TCEA1: variants seen among roughly 807,000 people sequenced by gnomAD.
The protein encoded by TCEA1 is transcription elongation factor A1.
In TCEA1, 21 loss-of-function variants were observed where a neutral mutation model predicts 43.8. The observed-to-expected ratio is 0.48, with a 90% CI of 0.34 to 0.69. TCEA1 has a LOEUF of 0.69. TCEA1 is among the 30% of genes least tolerant of loss of function. The probability of loss-of-function intolerance (pLI) is 0.01; values close to 1 mark genes in which losing one functional copy is unlikely to be tolerated. For missense variants in TCEA1, 250 were observed against 365.1 expected, an observed-to-expected ratio of 0.68 and a Z score of 2.57; for synonymous variants, 104 against 117.5, an observed-to-expected ratio of 0.88 and a Z score of 0.75.
chr8:53,972,889 A>T, intron 8 of TCEA1: 1 of 694,222 alleles, frequency 1.4e-6, no homozygotes, highest in South Asian at 1.4e-5. Flanking sequence ...ACTACTTTTG[A>T]TGATGAGCCG....
At chr8:53,995,536 A>T (rs1444725526) in intron 3 of TCEA1, among the ~76,000 whole-genome samples, 1 of 152,206 alleles carries the variant, frequency 6.6e-6, no homozygotes, top group East Asian at 1.9e-4. Context: ...TACAAAGTAT[A>T]CCAGTTAAGT....
intron 1 of TCEA1, 83 bp from the exon 2 acceptor site, chr8:54,010,575 C>A (rs1349760969): frequency 5.6e-6 from 6 of 1,074,318 alleles, no homozygotes; most frequent in Non-Finnish European, 8.0e-6. Context: ...GGGAGAATCA[C>A]AGAAAACAGC....
chr8:54,017,758 T>C lies in TCEA1; in HGVS notation c.63+4305A>G, dbSNP rs890972227. Among the ~76,000 whole-genome samples, 68 of 152,176 alleles carry C rather than the reference T, an allele frequency of 4.5e-4. 2 individuals are homozygous for C. The stretch of plus-strand genomic sequence containing the variant: ...AAAAATGGTAAAATCCCATCTCTAC[T>C]AAAAATACAAAATTAGTTGGGTGTG... On this transcript the variant is annotated intron_variant, in intron 1 of 9. Coordinates refer to ENST00000521604, the MANE Select transcript of TCEA1 (RefSeq NM_006756.4).
rs185377792 is a variant in TCEA1, at chr8:53,986,522, A to G, written c.523+447T>C. ...TCAAATTGCCAACGAGATACACCCA[A>G]TGTTCTCATGTATTTTGTAATCTCT... On this transcript the variant is annotated intron_variant, in intron 6 of 9. Transcript: ENST00000521604. Among the ~76,000 whole-genome samples, 4 of 152,238 alleles carry G rather than the reference A, an allele frequency of 2.6e-5. No homozygotes were observed. The East Asian group carries it at 7.7e-4, about 29-fold the overall frequency.
chr8:53,984,281 ATAG>A, intron 7 of TCEA1, 79 bp downstream of exon 7: 1 of 1,266,180 alleles, frequency 7.9e-7, no homozygotes. Context: ...CAATATTTAT[ATAG>A]TAGTCTATGA....
chr8:54,008,549 A>G (rs1804549372), intron 2 of TCEA1, among the ~76,000 whole-genome samples: 1 of 151,822 alleles, frequency 6.6e-6, no homozygotes. Context: ...ACTTGGGGGT[A>G]AGGGACGGGA....
At chr8:53,999,744 G>A in intron 3 of TCEA1, 1 of 451,794 alleles carries the variant, frequency 2.2e-6, no homozygotes, top group Non-Finnish European at 3.9e-6. Flanking sequence ...AGTTAAGAAA[G>A]CCAAATTTGA....
intron 8 of TCEA1, among the ~76,000 whole-genome samples, chr8:53,977,716 A>T (rs1038238812): frequency 2.0e-4 from 31 of 152,124 alleles, no homozygotes; most frequent in African/African-American, 6.5e-4. Context: ...GATAAAAAAA[A>T]TTTTCACATA....
intron 4 of TCEA1, among the ~76,000 whole-genome samples, chr8:53,989,826 A>G (rs1803815972): frequency 6.6e-6 from 1 of 152,142 alleles, no homozygotes; most frequent in South Asian, 2.1e-4. Context: ...AGAGTTGTGC[A>G]GTGGTGCCAT....
chr8:54,000,245 C>A (rs1484835376), intron 2 of TCEA1, among the ~76,000 whole-genome samples, 195 bp from the exon 3 acceptor site: 1 of 152,112 alleles, frequency 6.6e-6, no homozygotes, highest in East Asian at 1.9e-4. Context: ...CATTAATGTT[C>A]TTATCATCAA....
intron 8 of TCEA1, among the ~76,000 whole-genome samples, chr8:53,974,843 TA>T (rs1324003912): frequency 1.3e-5 from 2 of 152,078 alleles, no homozygotes; most frequent in Admixed American, 1.3e-4. Context: ...TCCAGCTTTT[TA>T]AAAGGCTGTT....
intron 6 of TCEA1, 124 bp from the exon 7 acceptor site, chr8:53,984,641 T>C (rs780624240): frequency 2.1e-5 from 15 of 722,184 alleles, no homozygotes; most frequent in Non-Finnish European, 3.1e-5. Context: ...CCCAGCACTT[T>C]GGGAGGCTGA....
chr8:54,012,836 A>C (rs1804694950), intron 1 of TCEA1, among the ~76,000 whole-genome samples: 1 of 151,900 alleles, frequency 6.6e-6, no homozygotes. Context: ...CCAGAAGCTG[A>C]GGCGGGAGGA....
chr8:53,990,041 T>G (rs1803822721), intron 4 of TCEA1, among the ~76,000 whole-genome samples: 1 of 150,800 alleles, frequency 6.6e-6, no homozygotes, highest in Non-Finnish European at 1.5e-5. Flanking sequence ...ACAAAAAGAG[T>G]TTTAAAAATT....
chr8:53,991,734 G>C (rs946791152), intron 4 of TCEA1, among the ~76,000 whole-genome samples: 2 of 151,332 alleles, frequency 1.3e-5, no homozygotes, highest in Non-Finnish European at 2.9e-5. Context: ...TAAAAACAAA[G>C]ACAATGAGAG....
chr8:53,987,138 A>G (rs1803713660), intron 5 of TCEA1, 113 bp from the exon 6 acceptor site: 2 of 884,108 alleles, frequency 2.3e-6, no homozygotes, highest in African/African-American at 3.4e-5. Context: ...CCTGACATAA[A>G]GAAACCGTTC....
rs144084520 is a variant in TCEA1 at position 54,005,840 on chromosome 8, T to G, written c.126+4590A>C. Among the ~76,000 whole-genome samples, 220 of 152,312 alleles carry G rather than the reference T, an allele frequency of 1.4e-3. 1 individual carries two copies. The highest frequency in any genetic ancestry group is 5.0e-3 in the African/African-American group (207 of 41,564). On this transcript the variant is annotated intron_variant, in intron 2 of 9. Transcript: ENST00000521604. Reference sequence around the variant, plus strand: ...CACATACTCCCCTGCCTAACACCTTTCAGTAGTAATGCTCTCAGCATCACA... The same window carrying G: ...CACATACTCCCCTGCCTAACACCTTGCAGTAGTAATGCTCTCAGCATCACA...
intron 6 of TCEA1, 94 bp from the exon 7 acceptor site, chr8:53,984,611 C>T (rs549423488): frequency 4.4e-5 from 49 of 1,124,230 alleles, no homozygotes; most frequent in South Asian, 3.4e-4. Flanking sequence ...AGGCCAGGCA[C>T]GGTGGCTCAT....
chr8:54,011,031 G>T (rs1262708089), intron 1 of TCEA1, among the ~76,000 whole-genome samples: 2 of 152,160 alleles, frequency 1.3e-5, no homozygotes, highest in Non-Finnish European at 2.9e-5. Context: ...TCAAACTTCT[G>T]ATCTCAGGTG....
Sources: gnomAD v4.1 joint callset for allele counts (sites outside exome capture counted in the v4.1 genomes callset) on GRCh38, gnomAD v4.1.1 for gene constraint, MANE v1.5 for transcripts, NCBI Gene and HGNC (gene_info 2026-07-23, HGNC 2026-07-21) for gene names.